ADAMTSL3: variants seen among roughly 807,000 people sequenced by gnomAD.
ADAMTSL3 encodes the protein ADAMTS like 3.
In ADAMTSL3, 128 loss-of-function variants were observed where a neutral mutation model predicts 201.7. The ratio of observed to expected loss-of-function variants is 0.63; its 90% confidence interval spans 0.55 to 0.73. ADAMTSL3 has a LOEUF of 0.73. ADAMTSL3 is among the 30% of genes least tolerant of loss of function. The probability of loss-of-function intolerance (pLI) is 0.00; values close to 1 mark genes in which losing one functional copy is unlikely to be tolerated. For synonymous variants in ADAMTSL3, 738 were observed against 748.4 expected (o/e 0.99, Z 0.23); for missense variants, 1,990 against 2,119.6 (o/e 0.94, Z 1.20).
At chr15:83,740,910 G>T (rs1242996630) in intron 3 of ADAMTSL3, among the ~76,000 whole-genome samples, 1 of 151,992 alleles carries the variant, frequency 6.6e-6, no homozygotes, top group Middle Eastern at 3.2e-3. Flanking sequence ...GAAAAACTGG[G>T]TAAACCAATA....
chr15:83,793,712 A>G (rs1439713896), intron 4 of ADAMTSL3, among the ~76,000 whole-genome samples: 1 of 152,024 alleles, frequency 6.6e-6, no homozygotes, highest in East Asian at 1.9e-4. Context: ...CCTGACCTCA[A>G]GTGATCTGCC....
intron 17 of ADAMTSL3, among the ~76,000 whole-genome samples, chr15:83,936,624 A>AATTG (rs1208755201): frequency 6.6e-6 from 1 of 150,974 alleles, no homozygotes; most frequent in Non-Finnish European, 1.5e-5. Context: ...CATGACAAAG[A>AATTG]TGCCAAAAGC....
chr15:83,746,104 A>G (rs892101316), intron 3 of ADAMTSL3, among the ~76,000 whole-genome samples: 1 of 152,068 alleles, frequency 6.6e-6, no homozygotes, highest in African/African-American at 2.4e-5. Context: ...CGTTCCTCTT[A>G]TGGTTGCAAA....
intron 4 of ADAMTSL3, among the ~76,000 whole-genome samples, chr15:83,792,570 G>A (rs541888619): frequency 1.3e-5 from 2 of 152,216 alleles, no homozygotes; most frequent in South Asian, 4.1e-4. Context: ...GAGCAACTGA[G>A]GTCAGGAGTT....
intron 27 of ADAMTSL3, among the ~76,000 whole-genome samples, chr15:84,027,679 C>G (rs2068335400): frequency 6.6e-6 from 1 of 151,938 alleles, no homozygotes; most frequent in African/African-American, 2.4e-5. Flanking sequence ...CACTGCACTC[C>G]AGCCTGGGCG....
chr15:83,846,558 C>A (rs936400030), intron 7 of ADAMTSL3, among the ~76,000 whole-genome samples: 2 of 152,238 alleles, frequency 1.3e-5, no homozygotes, highest in African/African-American at 4.8e-5. Flanking sequence ...CCCCTTGTTT[C>A]CCCTTGGCAG....
intron 20 of ADAMTSL3, among the ~76,000 whole-genome samples, chr15:83,979,997 A>G (rs1299418624): frequency 6.6e-6 from 1 of 152,252 alleles, no homozygotes; most frequent in African/African-American, 2.4e-5. Flanking sequence ...CCCGTAAGTC[A>G]GAATTTCTGG....
rs146924338 is a variant in ADAMTSL3 at position 83,820,753 on chromosome 15, C to T, written c.600+706C>T. 5.3e-5 allele frequency among the ~76,000 whole-genome samples: 8 copies of T among 152,164 alleles called. No homozygotes were observed. The East Asian group carries it at 1.2e-3, about 22-fold the overall frequency. Reference sequence around the variant, plus strand: ...TGACAAATGTGACTGAGACATAAACCCCAGTGGCTTTTAATGAGTATAAGG... The same window carrying T: ...TGACAAATGTGACTGAGACATAAACTCCAGTGGCTTTTAATGAGTATAAGG... On this transcript the variant is annotated intron_variant, in intron 6 of 29. Transcript: ENST00000286744.
At chr15:83,860,092 G>T (rs933691147) in intron 8 of ADAMTSL3, among the ~76,000 whole-genome samples, 1 of 152,102 alleles carries the variant, frequency 6.6e-6, no homozygotes, top group Admixed American at 6.6e-5. Flanking sequence ...GAGTAGCTTG[G>T]CTACTACAGG....
chr15:83,812,952 A>G (rs1235363134), intron 5 of ADAMTSL3, among the ~76,000 whole-genome samples: 3 of 152,200 alleles, frequency 2.0e-5, no homozygotes, highest in African/African-American at 7.2e-5. Flanking sequence ...ACCGAATTTA[A>G]CCTCAGACAG....
intron 7 of ADAMTSL3, among the ~76,000 whole-genome samples, chr15:83,855,223 A>C (rs1030348734): frequency 2.0e-5 from 3 of 152,208 alleles, no homozygotes; most frequent in Non-Finnish European, 2.9e-5. Context: ...GCATACGCAG[A>C]GCCCCACATA....
chr15:83,932,744 G>T (rs907965507), intron 17 of ADAMTSL3, among the ~76,000 whole-genome samples: 1 of 152,154 alleles, frequency 6.6e-6, no homozygotes, highest in Non-Finnish European at 1.5e-5. Context: ...AAGGAGGAAT[G>T]TATCTTCTAC....
Position 83,805,556 on chromosome 15 carries a change from C to CA in ADAMTSL3, c.363+874dup, listed in dbSNP as rs779366103. Among the ~76,000 whole-genome samples the CA allele has an allele frequency of 4.5e-3, 558 of 124,092 alleles. 4 individuals are homozygous for CA. The highest frequency in any genetic ancestry group is 0.011 in the East Asian group (51 of 4,692). 81.4% of individuals were successfully genotyped at this position (124,092 alleles called of 152,430 possible). ...TGGGCAACAGAGTGAGACTCTGTCT[C>CA]AAAAAAAAAAAAATAAATAAATAAA... On this transcript the variant is annotated intron_variant, in intron 5 of 29. Transcript: ENST00000286744.
chr15:83,989,882 T>A (rs556766420), intron 22 of ADAMTSL3, among the ~76,000 whole-genome samples: 22 of 152,384 alleles, frequency 1.4e-4, no homozygotes, highest in African/African-American at 5.3e-4. Context: ...TTTGCATTTT[T>A]CTTGCAGACA....
At chr15:83,903,396 A>T (rs574826091) in intron 15 of ADAMTSL3, among the ~76,000 whole-genome samples, 53 of 151,946 alleles carry the variant, frequency 3.5e-4, no homozygotes, top group African/African-American at 1.3e-3. Context: ...TCACCCCCCA[A>T]CATAAGCTCT....
intron 4 of ADAMTSL3, among the ~76,000 whole-genome samples, chr15:83,791,682 C>A (rs1004763660): frequency 2.0e-5 from 3 of 151,940 alleles, no homozygotes; most frequent in African/African-American, 7.3e-5. Flanking sequence ...CATGGTGAAA[C>A]CCCATCTCTG....
chr15:83,837,620 C>A (rs1003989433), intron 6 of ADAMTSL3, among the ~76,000 whole-genome samples: 1 of 151,534 alleles, frequency 6.6e-6, no homozygotes, highest in African/African-American at 2.4e-5. Context: ...GTCTTTACAT[C>A]AAATTTTAAA....
At chr15:83,844,270 T>C (rs1033110032) in intron 7 of ADAMTSL3, among the ~76,000 whole-genome samples, 1 of 152,224 alleles carries the variant, frequency 6.6e-6, no homozygotes, top group African/African-American at 2.4e-5. Context: ...TTCTAATGCA[T>C]TCCTTGACAC....
At chr15:83,873,290 C>G (rs1211807219) in intron 9 of ADAMTSL3, among the ~76,000 whole-genome samples, 1 of 144,844 alleles carries the variant, frequency 6.9e-6, no homozygotes, top group Non-Finnish European at 1.5e-5. Flanking sequence ...GGCAACAGAG[C>G]AAGACTCCAT....
Sources: gnomAD v4.1 joint callset for allele counts (sites outside exome capture counted in the v4.1 genomes callset) on GRCh38, gnomAD v4.1.1 for gene constraint, MANE v1.5 for transcripts, NCBI Gene and HGNC (gene_info 2026-07-23, HGNC 2026-07-21) for gene names.